RBFOX1: variants seen among roughly 807,000 people sequenced by gnomAD.
The protein encoded by RBFOX1 is RNA binding fox-1 homolog 1.
A neutral mutation model predicts 57.7 loss-of-function variants in RBFOX1; 8 were observed. The observed-to-expected ratio is 0.14, with a 90% confidence interval of 0.08 to 0.25. The LOEUF (loss-of-function observed/expected upper bound fraction) is 0.25, where lower values mean the gene tolerates loss of function less well. Ranked by LOEUF, RBFOX1 falls within the 10% of genes least tolerant of loss-of-function variation. RBFOX1 has a pLI of 1.00. For synonymous variants in RBFOX1, 326 were observed against 222.4 expected, an observed-to-expected ratio of 1.47 and a Z score of -4.15; for missense variants, 611 against 548.5, an observed-to-expected ratio of 1.11 and a Z score of -1.14.
chr16:5,677,198 C>T (rs886393884), intron 3 of RBFOX1, among the ~76,000 whole-genome samples: 2 of 152,298 alleles, frequency 1.3e-5, no homozygotes, highest in South Asian at 4.1e-4. Flanking sequence ...CTCTATCTTT[C>T]TAAAAGACCA....
chr16:6,205,207 A>G (rs76465396), intron 1 of RBFOX1, among the ~76,000 whole-genome samples: 7 of 152,150 alleles, frequency 4.6e-5, no homozygotes, highest in African/African-American at 9.7e-5. Flanking sequence ...TGCTTCATAT[A>G]TGGGAGACTT....
intron 9 of RBFOX1, among the ~76,000 whole-genome samples, chr16:7,605,028 G>C (rs1272527465): frequency 6.6e-6 from 1 of 152,042 alleles, no homozygotes; most frequent in East Asian, 1.9e-4. Flanking sequence ...ACAAATTCTA[G>C]GTTTCTGTGA....
At chr16:6,159,902 T>G (rs1334166547) in intron 1 of RBFOX1, among the ~76,000 whole-genome samples, 5 of 152,158 alleles carry the variant, frequency 3.3e-5, no homozygotes, top group African/African-American at 1.2e-4. Flanking sequence ...TTTGTGCTGC[T>G]CTTTTCTTTT....
At chr16:6,356,623 CTG>C (rs763265405) in intron 2 of RBFOX1, among the ~76,000 whole-genome samples, 3 of 152,042 alleles carry the variant, frequency 2.0e-5, no homozygotes, top group East Asian at 3.9e-4. Flanking sequence ...TAAAGAAAAA[CTG>C]TGAAATAGCT....
chr16:5,933,963 T>C (rs1218758776), intron 4 of RBFOX1, among the ~76,000 whole-genome samples: 2 of 152,134 alleles, frequency 1.3e-5, no homozygotes, highest in African/African-American at 4.8e-5. Flanking sequence ...CACCCTCAAG[T>C]AGGCGCCTGT....
rs1601644085 is a variant in RBFOX1, at chr16:6,616,904, C to G, written c.-63-37699C>G. ...ATGTAAATTAAGTTTTATTGGAACACAGTCATGCTCATTTGTTTACATATT... is the reference window on the plus strand; with the variant it reads ...ATGTAAATTAAGTTTTATTGGAACAGAGTCATGCTCATTTGTTTACATATT... On this transcript the variant is annotated intron_variant, in intron 2 of 15. Coordinates refer to ENST00000550418, the MANE Select transcript of RBFOX1 (RefSeq NM_018723.4). 2.0e-5 allele frequency among the ~76,000 whole-genome samples: 3 copies of G among 152,208 alleles called. No individual in the cohort carries two copies. The East Asian group carries it at 5.8e-4, about 29-fold the overall frequency.
At chr16:6,634,354 T>G (rs1201588419) in intron 2 of RBFOX1, among the ~76,000 whole-genome samples, 1 of 152,052 alleles carries the variant, frequency 6.6e-6, no homozygotes, top group Admixed American at 6.6e-5. Flanking sequence ...ATCCAACAAC[T>G]GTCAGCTCTG....
chr16:7,292,822 T>C (rs1252899566), intron 4 of RBFOX1, among the ~76,000 whole-genome samples: 1 of 152,100 alleles, frequency 6.6e-6, no homozygotes, highest in Non-Finnish European at 1.5e-5. Context: ...CAATAGGTCT[T>C]GTAATGGAGC....
At chr16:5,993,163 G>A (rs553715713) in intron 4 of RBFOX1, among the ~76,000 whole-genome samples, 19 of 152,268 alleles carry the variant, frequency 1.2e-4, no homozygotes, top group African/African-American at 4.6e-4. Flanking sequence ...TTTGTCTTCT[G>A]TCCACTTACA....
intron 3 of RBFOX1, among the ~76,000 whole-genome samples, chr16:6,768,694 C>T (rs960584906): frequency 7.0e-6 from 1 of 142,192 alleles, no homozygotes; most frequent in Non-Finnish European, 1.5e-5. Flanking sequence ...TATATATGTA[C>T]CTATATATAT....
intron 4 of RBFOX1, among the ~76,000 whole-genome samples, chr16:7,388,426 A>C: frequency 6.6e-6 from 1 of 152,182 alleles, no homozygotes; most frequent in Admixed American, 6.5e-5. Context: ...GAAGTGTGCA[A>C]TATATGGGCT....
intron 10 of RBFOX1, among the ~76,000 whole-genome samples, chr16:7,610,134 T>TTTTTTTTTTTTTTC (rs2057173711): frequency 7.3e-6 from 1 of 137,242 alleles, no homozygotes; most frequent in Non-Finnish European, 1.6e-5. Flanking sequence ...TTTTTTTTTT[T>TTTTTTTTTTTTTTC]TTTTTGAGGC....
chr16:7,665,190 T>C (rs1298203790), intron 13 of RBFOX1, among the ~76,000 whole-genome samples: 2 of 152,124 alleles, frequency 1.3e-5, no homozygotes, highest in Admixed American at 6.5e-5. Flanking sequence ...CTCGATCAAC[T>C]TCAGAACGAA....
chr16:6,683,064 A>G (rs777244315), intron 3 of RBFOX1, among the ~76,000 whole-genome samples: 1 of 152,080 alleles, frequency 6.6e-6, no homozygotes, highest in Non-Finnish European at 1.5e-5. Flanking sequence ...AATGCGTGTG[A>G]TACAACATGT....
At chr16:7,548,050 G>C (rs1408513752) in intron 5 of RBFOX1, among the ~76,000 whole-genome samples, 1 of 152,222 alleles carries the variant, frequency 6.6e-6, no homozygotes, top group Non-Finnish European at 1.5e-5. Flanking sequence ...CAGAAAATAA[G>C]CTAGACAGGC....
intron 3 of RBFOX1, among the ~76,000 whole-genome samples, chr16:5,685,839 C>G (rs558481842): frequency 6.6e-6 from 1 of 152,318 alleles, no homozygotes; most frequent in South Asian, 2.1e-4. Flanking sequence ...ATAGCAATTT[C>G]ACCTTTAATT....
chr16:6,562,453 A>T (rs2097190915), intron 2 of RBFOX1, among the ~76,000 whole-genome samples: 1 of 152,250 alleles, frequency 6.6e-6, no homozygotes, highest in Non-Finnish European at 1.5e-5. Flanking sequence ...TCACTGTGGA[A>T]ATTCAGCTGT....
chr16:7,337,701 T>C (rs930674174), intron 4 of RBFOX1, among the ~76,000 whole-genome samples: 7 of 152,212 alleles, frequency 4.6e-5, no homozygotes, highest in Non-Finnish European at 8.8e-5. Flanking sequence ...TTTGCTTGTT[T>C]TGAGATGGAG....
chr16:5,588,355 G>T (rs2046900195), intron 2 of RBFOX1, among the ~76,000 whole-genome samples: 1 of 152,140 alleles, frequency 6.6e-6, no homozygotes, highest in Non-Finnish European at 1.5e-5. Flanking sequence ...AGGTGAATTA[G>T]CTCAATAAAG....
Sources: allele counts gnomAD v4.1 joint callset (sites outside exome capture counted in the v4.1 genomes callset), GRCh38; gene constraint gnomAD v4.1.1; transcripts MANE v1.5; gene names NCBI Gene and HGNC (gene_info 2026-07-23, HGNC 2026-07-21).